ATP13A5: variants seen among roughly 807,000 people sequenced by gnomAD.
ATP13A5 encodes the protein ATPase 13A5.
Under a neutral mutation model 150.2 loss-of-function variants are expected in ATP13A5, and 149 were observed. That is an observed-to-expected ratio of 0.99 (90% CI 0.87 to 1.14). The LOEUF (loss-of-function observed/expected upper bound fraction) is 1.14, where lower values mean the gene tolerates loss of function less well. ATP13A5 is among the 50% of genes most tolerant of loss of function. ATP13A5 has a pLI of 0.00. For missense variants in ATP13A5, 1,383 were observed against 1,449.3 expected (o/e 0.95, Z 0.74); for synonymous variants, 497 against 522.2 (o/e 0.95, Z 0.66).
chr3:193,299,940 C>T (rs1718336784), intron 24 of ATP13A5, among the ~76,000 whole-genome samples: 1 of 152,166 alleles, frequency 6.6e-6, no homozygotes, highest in Non-Finnish European at 1.5e-5. Context: ...GTATTGCTGG[C>T]TTCTCAGAGA....
chr3:193,358,514 A>T (rs1327618261), intron 5 of ATP13A5, among the ~76,000 whole-genome samples: 1 of 152,232 alleles, frequency 6.6e-6, no homozygotes, highest in Non-Finnish European at 1.5e-5. Flanking sequence ...GAAGGAAAAC[A>T]TCTCTATTTC....
intron 27 of ATP13A5, among the ~76,000 whole-genome samples, chr3:193,282,350 A>G (rs1361546601): frequency 6.6e-6 from 1 of 152,188 alleles, no homozygotes; most frequent in Non-Finnish European, 1.5e-5. Context: ...TCACAATATA[A>G]GCAAAAATAT....
At chr3:193,341,297 T>C (rs1313467674) in intron 9 of ATP13A5, among the ~76,000 whole-genome samples, 1 of 152,112 alleles carries the variant, frequency 6.6e-6, no homozygotes, top group Non-Finnish European at 1.5e-5. Context: ...TCACTGGCTT[T>C]TGAGTTTTTG....
chr3:193,376,796 C>T (rs1007006736), intron 1 of ATP13A5, among the ~76,000 whole-genome samples: 3 of 152,178 alleles, frequency 2.0e-5, no homozygotes, highest in African/African-American at 7.2e-5. Flanking sequence ...TTGCCTGGAG[C>T]TAAGTCACAG....
chr3:193,300,321 G>A (rs1718350079), intron 24 of ATP13A5, among the ~76,000 whole-genome samples: 1 of 152,120 alleles, frequency 6.6e-6, no homozygotes, highest in South Asian at 2.1e-4. Flanking sequence ...TGAAAAATCA[G>A]CTTCCCAGAA....
intron 9 of ATP13A5, among the ~76,000 whole-genome samples, chr3:193,337,309 G>T (rs1054677694): frequency 2.0e-5 from 3 of 152,128 alleles, no homozygotes; most frequent in Non-Finnish European, 4.4e-5. Flanking sequence ...TGAAGTCGTT[G>T]CCCATGCCTA....
At chr3:193,348,725 A>C (rs1712448385) in intron 7 of ATP13A5, among the ~76,000 whole-genome samples, 1 of 152,302 alleles carries the variant, frequency 6.6e-6, no homozygotes, top group East Asian at 1.9e-4. Context: ...TCAGTGAAAT[A>C]ATGAACTTCA....
At chr3:193,354,940 C>CTTTTTTTTTTTTTTTTTTTTTT (rs545467259) in intron 5 of ATP13A5, among the ~76,000 whole-genome samples, 1 of 127,916 alleles carries the variant, frequency 7.8e-6, no homozygotes, top group African/African-American at 3.0e-5. Context: ...AACAATGTAA[C>CTTTTTTTTTTTTTTTTTTTTTT]TTTTTTTTTG....
chr3:193,275,020 G>C lies in ATP13A5; in HGVS notation c.*22C>G, dbSNP rs1466490178. 1 of 1,613,124 alleles carries C rather than the reference G, an allele frequency of 6.2e-7. No individual in the cohort carries two copies. The highest frequency in any genetic ancestry group is 2.2e-5 in the East Asian group (1 of 44,874). On this transcript the variant is annotated 3_prime_UTR_variant, in exon 30 of 30. Transcript: ENST00000342358. ...TTGGGGAAAAAAGCAATGCTGTTGA[G>C]CATGTACGACGACAATTCTGATTAC...
At chr3:193,320,084 A>G (rs1719204198) in intron 16 of ATP13A5, among the ~76,000 whole-genome samples, 1 of 152,214 alleles carries the variant, frequency 6.6e-6, no homozygotes, top group South Asian at 2.1e-4. Context: ...TTTATAACGT[A>G]CCTATAAGGG....
Position 193,351,102 on chromosome 3 carries a change from T to C in ATP13A5, c.706A>G (p.Ile236Val), listed in dbSNP as rs1389822927. ...TCATACACACTTAAGACAATGGAGA[T>C]AACAGTCAAAATGATGATGGCCACA... ...YSVAIIILTV[I>V]SIVLSVYDLR... Residue 236 changes from isoleucine to valine, a missense_variant, in exon 7 of 30, where the codon ATC becomes GTC. Physicochemically the swap from Ile to Val is conservative, Grantham distance 29. Around this residue, in one of 3 missense-constraint regions of ATP13A5, gnomAD observed 787 missense variants for 771.9 expected, o/e 1.02. Coordinates refer to ENST00000342358, the MANE Select transcript of ATP13A5 (RefSeq NM_198505.4). 6 of 1,613,562 alleles carry C rather than the reference T, an allele frequency of 3.7e-6. No individual in the cohort carries two copies. The South Asian group carries it at 5.5e-5, about 15-fold the overall frequency.
chr3:193,301,281 G>A lies in ATP13A5; in HGVS notation c.2705C>T (p.Ser902Phe), dbSNP rs1393318983. ...GGTCAAGTATTTAAATACTCCAAAGGATGAAACCAGAGCAGCTCGGCCTTC... is the reference window on the plus strand; with the variant it reads ...GGTCAAGTATTTAAATACTCCAAAGAATGAAACCAGAGCAGCTCGGCCTTC... ...IREGRAALVSSFGVFKYLTMY... is the reference protein window; with the variant it reads ...IREGRAALVSFFGVFKYLTMY... The change falls in exon 24 of 30, where the codon TCC (serine) becomes TTC (phenylalanine). Residue 902 changes from serine to phenylalanine, a missense_variant. Physicochemically the swap from Ser to Phe is radical, Grantham distance 155 (BLOSUM62 -2). This residue lies in a region of ATP13A5 where 568 missense variants were observed against 621.5 expected (regional missense o/e 0.91). Coordinates refer to ENST00000342358, the MANE Select transcript of ATP13A5 (RefSeq NM_198505.4). The A allele has an allele frequency of 3.1e-6, 5 of 1,613,206 alleles. No homozygotes were observed. Among genetic ancestry groups the A allele is most frequent in the Non-Finnish European group, 4.2e-6 (5 of 1,179,522 alleles).
chr3:193,284,828 A>G (rs1717649114), intron 27 of ATP13A5, 86 bp downstream of exon 27: 1 of 1,110,818 alleles, frequency 9.0e-7, no homozygotes, highest in Non-Finnish European at 1.3e-6. Context: ...TCCTCAGCCC[A>G]TCATTTCACC....
rs74287988 is a variant in ATP13A5 at position 193,367,283 on chromosome 3, A to G, written c.64-3003T>C. On this transcript the variant is annotated intron_variant, in intron 1 of 29. Transcript: ENST00000342358. ...TTGGTACCCTGAAAAGATTAATAAC[A>G]TTGATAAACTCATCAATAAATACGA... Among the ~76,000 whole-genome samples the G allele has an allele frequency of 2.0e-5, 3 of 152,240 alleles. No individual in the cohort carries two copies. In the East Asian group the frequency reaches 5.8e-4, roughly 29 times the overall value.
intron 6 of ATP13A5, 64 bp from the exon 7 acceptor site, chr3:193,351,265 C>T: frequency 1.3e-6 from 2 of 1,566,250 alleles, no homozygotes; most frequent in East Asian, 2.3e-5. Flanking sequence ...AAGAAGATGT[C>T]ATTTCATTAT....
At chr3:193,290,717 A>G (rs1256412715) in intron 25 of ATP13A5, among the ~76,000 whole-genome samples, 1 of 152,164 alleles carries the variant, frequency 6.6e-6, no homozygotes, top group Non-Finnish European at 1.5e-5. Flanking sequence ...TTTTGATTTC[A>G]GGGCTTTTTT....
At chr3:193,338,977 C>T (rs1188022551) in intron 9 of ATP13A5, among the ~76,000 whole-genome samples, 3 of 152,088 alleles carry the variant, frequency 2.0e-5, no homozygotes, top group Admixed American at 6.6e-5. Context: ...GTGTATATGT[C>T]GAGGAATTTA....
intron 24 of ATP13A5, among the ~76,000 whole-genome samples, chr3:193,299,935 G>C (rs1186089153): frequency 6.6e-6 from 1 of 152,122 alleles, no homozygotes; most frequent in African/African-American, 2.4e-5. Flanking sequence ...GGAAAGTATT[G>C]CTGGCTTCTC....
In ATP13A5 at chr3:193,334,962, G is replaced by T; in HGVS notation, c.1081C>A (p.Gln361Lys). 6.2e-7 allele frequency: 1 copy of T among 1,613,862 alleles called. No homozygotes were observed. Among genetic ancestry groups the T allele is most frequent in the Non-Finnish European group, 8.5e-7 (1 of 1,179,788 alleles). ...TEVIQVKPSG[Q>K]GPVRAVVLQT... Reference sequence around the variant, plus strand: ...AAAACGACTGCTCGTACAGGCCCCTGCCCAGAGGGCTTGACCTGGATAACT... The same window carrying T: ...AAAACGACTGCTCGTACAGGCCCCTTCCCAGAGGGCTTGACCTGGATAACT... Residue 361 changes from glutamine (Q) to lysine (K), a missense_variant, in exon 10 of 30, where the codon CAG (glutamine) becomes AAG (lysine). Around this residue, in one of 3 missense-constraint regions of ATP13A5, gnomAD observed 787 missense variants for 771.9 expected, o/e 1.02. Coordinates refer to ENST00000342358, the MANE Select transcript of ATP13A5 (RefSeq NM_198505.4).
Sources: gnomAD v4.1 joint callset for allele counts (sites outside exome capture counted in the v4.1 genomes callset) on GRCh38, gnomAD v4.1.1 for gene constraint, gnomAD v4.1.1 regional missense constraint, MANE v1.5 for transcripts, NCBI Gene and HGNC (gene_info 2026-07-23, HGNC 2026-07-21) for gene names.